Variants in SLC71A1 observed in about 807,000 individuals in gnomAD.
The protein encoded by SLC71A1 is hippocampus abundant gene transcript 1.
At chr1:100,039,823 C>G in the SLC71A1 span, among the ~76,000 whole-genome samples, 1 of 152,320 alleles carries the variant, frequency 6.6e-6, no homozygotes, top group South Asian at 2.1e-4. Context: ...TTAAGAAACA[C>G]AGCTTCCTTT....
the SLC71A1 span, among the ~76,000 whole-genome samples, chr1:100,052,578 C>A: frequency 3.3e-5 from 5 of 151,334 alleles, no homozygotes; most frequent in Non-Finnish European, 5.9e-5. Context: ...ACTACAGGCA[C>A]ATGCCACCAT....
At chr1:100,052,828 G>C in the SLC71A1 span, among the ~76,000 whole-genome samples, 1 of 150,970 alleles carries the variant, frequency 6.6e-6, no homozygotes, top group Non-Finnish European at 1.5e-5. Flanking sequence ...CTGTTGCCCA[G>C]GCTGGAGTGC....
the SLC71A1 span, among the ~76,000 whole-genome samples, chr1:100,061,066 C>G: frequency 6.6e-6 from 1 of 151,776 alleles, no homozygotes; most frequent in African/African-American, 2.4e-5. Flanking sequence ...ATGGAATGAA[C>G]AAAGAATTTG....
the SLC71A1 span, chr1:100,078,961 G>C: frequency 6.5e-6 from 1 of 153,304 alleles, no homozygotes; most frequent in African/African-American, 2.4e-5. Context: ...AGTTACTTGG[G>C]AGGCTGAGGT....
the SLC71A1 span, chr1:100,077,185 T>TTA: frequency 6.6e-7 from 1 of 1,515,888 alleles, no homozygotes; most frequent in Non-Finnish European, 9.1e-7. Context: ...TGAGTTTACT[T>TTA]ATGAGGTCAA....
the SLC71A1 span, among the ~76,000 whole-genome samples, chr1:100,044,843 G>A: frequency 2.6e-5 from 4 of 152,146 alleles, no homozygotes; most frequent in African/African-American, 9.7e-5. Flanking sequence ...TGGGTTATCT[G>A]TTGTGTTCCA....
At chr1:100,080,797 C>CT in the SLC71A1 span, 2 of 728,536 alleles carry the variant, frequency 2.7e-6, no homozygotes, top group Non-Finnish European at 4.4e-6. Context: ...GTTTAAGGGA[C>CT]TGTGTTCTTC....
chr1:100,038,415 C>G, the SLC71A1 span: 2 of 965,404 alleles, frequency 2.1e-6, no homozygotes, highest in Non-Finnish European at 3.2e-6. Flanking sequence ...CGGTGCCTCC[C>G]TCCCTTCCCC....
chr1:100,056,184 C>T, the SLC71A1 span, among the ~76,000 whole-genome samples: 3 of 152,204 alleles, frequency 2.0e-5, no homozygotes, highest in Non-Finnish European at 4.4e-5. Context: ...CCTTCCCGGC[C>T]TCTGGTAACC....
chr1:100,068,412 A>C, the SLC71A1 span: 1 of 1,175,298 alleles, frequency 8.5e-7, no homozygotes, highest in Non-Finnish European at 1.3e-6. Context: ...GCGTATTCTT[A>C]AGAATAGTTC....
chr1:100,052,920 A>G, the SLC71A1 span, among the ~76,000 whole-genome samples: 1 of 152,042 alleles, frequency 6.6e-6, no homozygotes, highest in African/African-American at 2.4e-5. Context: ...AGTAGCTGGG[A>G]CTATAGGCAC....
the SLC71A1 span, among the ~76,000 whole-genome samples, chr1:100,075,584 CAAAT>C: frequency 6.6e-6 from 1 of 152,166 alleles, no homozygotes; most frequent in African/African-American, 2.4e-5. Flanking sequence ...ATATAGTCCA[CAAAT>C]AAAATCATTT....
At chr1:100,080,754 A>G in the SLC71A1 span, 2 of 1,061,794 alleles carry the variant, frequency 1.9e-6, no homozygotes, top group Non-Finnish European at 1.4e-6. Context: ...GTGAGATTCT[A>G]TTTGAGATTG....
At chr1:100,065,483 T>C in the SLC71A1 span, among the ~76,000 whole-genome samples, 1 of 146,710 alleles carries the variant, frequency 6.8e-6, no homozygotes, top group Non-Finnish European at 1.5e-5. Context: ...GCCCTTCTCT[T>C]CCCCCTCCCC....
At chr1:100,071,289 C>CAAAAAAAAAAAAAAAAAAAAAAAAAA in the SLC71A1 span, among the ~76,000 whole-genome samples, 1 of 53,386 alleles carries the variant, frequency 1.9e-5, no homozygotes, top group African/African-American at 6.3e-5. Flanking sequence ...CCATCTCTAC[C>CAAAAAAAAAAAAAAAAAAAAAAAAAA]AAAAAAAAAA....
chr1:100,082,002 G>A, the SLC71A1 span: 1 of 1,609,756 alleles, frequency 6.2e-7, no homozygotes, highest in Non-Finnish European at 8.5e-7. Context: ...TTCTTCCTCA[G>A]AATTCCATCA....
chr1:100,054,130 C>T, the SLC71A1 span, among the ~76,000 whole-genome samples: 7 of 151,296 alleles, frequency 4.6e-5, no homozygotes, highest in African/African-American at 9.7e-5. Flanking sequence ...CAACCTCCAC[C>T]GCCAAGGTTC....
the SLC71A1 span, among the ~76,000 whole-genome samples, chr1:100,056,082 T>G: frequency 6.6e-6 from 1 of 152,224 alleles, no homozygotes; most frequent in African/African-American, 2.4e-5. Context: ...GTAGAATAAA[T>G]GTTGGCTGTA....
the SLC71A1 span, among the ~76,000 whole-genome samples, chr1:100,060,442 G>A: frequency 3.3e-5 from 5 of 152,062 alleles, no homozygotes; most frequent in African/African-American, 1.2e-4. Context: ...TGTGAAAAAG[G>A]GTCTGCAAGT....
Sources: allele counts gnomAD v4.1 joint callset (sites outside exome capture counted in the v4.1 genomes callset), GRCh38; gene constraint gnomAD v4.1.1; transcripts MANE v1.5; gene names NCBI Gene and HGNC (gene_info 2026-07-23, HGNC 2026-07-21).